The following DCLK2 variants were observed in gnomAD, a reference collection of about 807,000 sequenced individuals.
DCLK2 encodes the protein serine/threonine-protein kinase DCLK2.
Under a neutral mutation model 78.4 loss-of-function variants are expected in DCLK2, and 31 were observed. The ratio of observed to expected loss-of-function variants is 0.40; its 90% CI spans 0.30 to 0.53. The LOEUF is 0.53. Among genes scored for constraint, DCLK2 ranks in the 20% least tolerant of loss-of-function variants. DCLK2 has a pLI of 0.61. For synonymous variants in DCLK2, 407 were observed against 374.9 expected (o/e 1.09, Z -0.99); for missense variants, 872 against 973.7 (o/e 0.90, Z 1.39).
chr4:150,109,513 G>GT (rs1358179681), intron 2 of DCLK2, among the ~76,000 whole-genome samples: 12 of 151,976 alleles, frequency 7.9e-5, no homozygotes, highest in Non-Finnish European at 1.3e-4. Flanking sequence ...TTTTTTGTGT[G>GT]TTTTTTGTAG....
intron 2 of DCLK2, among the ~76,000 whole-genome samples, chr4:150,105,188 C>T (rs142450559): frequency 7.2e-5 from 11 of 152,098 alleles, no homozygotes; most frequent in Non-Finnish European, 1.2e-4. Flanking sequence ...GAAATGGGAA[C>T]AGATTTTCTA....
In DCLK2 at chr4:150,198,940, C is replaced by T. The variant is rs1215717054; in HGVS notation, c.961+837C>T. The T allele has an allele frequency of 3.0e-5, 13 of 440,478 alleles. No individual in the cohort carries two copies. The Middle Eastern group carries it at 1.7e-3, about 59-fold the overall frequency. 27.3% of individuals were successfully genotyped at this position (440,478 alleles called of 1,614,324 possible). A position where few individuals can be genotyped will look rare whatever the true frequency, so the allele number is the denominator to read the frequency against. ...CCCCCCCACTTTCTGTAGGGCAGGTCGTTTTACCCTTTTGAACGCACATTT... is the reference window on the plus strand; with the variant it reads ...CCCCCCCACTTTCTGTAGGGCAGGTTGTTTTACCCTTTTGAACGCACATTT... On this transcript the variant is annotated intron_variant, in intron 4 of 15. Coordinates refer to ENST00000296550, the MANE Select transcript of DCLK2 (RefSeq NM_001040260.4).
At chr4:150,112,346 C>T (rs1326444013) in intron 2 of DCLK2, among the ~76,000 whole-genome samples, 2 of 152,082 alleles carry the variant, frequency 1.3e-5, no homozygotes, top group African/African-American at 4.8e-5. Context: ...AATTTAGGAG[C>T]AGAGAAATCT....
chr4:150,151,806 T>C (rs1283430861), intron 2 of DCLK2, among the ~76,000 whole-genome samples: 2 of 152,058 alleles, frequency 1.3e-5, no homozygotes, highest in Non-Finnish European at 2.9e-5. Flanking sequence ...GCGCCTGTGA[T>C]CCCAGCTACT....
Position 150,157,923 on chromosome 4 carries a change from C to G in DCLK2, c.757-35215C>G, listed in dbSNP as rs116571476. Among the ~76,000 whole-genome samples the G allele has an allele frequency of 4.8e-3, 737 of 152,294 alleles. 7 individuals are homozygous for G. Among genetic ancestry groups the G allele is most frequent in the African/African-American group, 0.017 (697 of 41,552 alleles). On this transcript the variant is annotated intron_variant, in intron 2 of 15. Transcript: ENST00000296550. ...GGATTATAGGCATGAGCTGCCGTGC[C>G]TGGCCCAGAATCTTTTAATTTTATT...
chr4:150,157,888 C>G (rs1735429837), intron 2 of DCLK2, among the ~76,000 whole-genome samples: 2 of 152,256 alleles, frequency 1.3e-5, no homozygotes, highest in East Asian at 3.9e-4. Flanking sequence ...CTCAGCCTCC[C>G]ACAGTGCTGG....
At chr4:150,255,938 C>G in intron 15 of DCLK2, 82 bp from the exon 16 acceptor site, 1 of 1,536,572 alleles carries the variant, frequency 6.5e-7, no homozygotes, top group Non-Finnish European at 8.8e-7. Flanking sequence ...CCCGTGCATG[C>G]TCTGTTGTGC....
intron 2 of DCLK2, among the ~76,000 whole-genome samples, chr4:150,135,165 T>TACACACACACACAC (rs57866267): frequency 0.013 from 1,895 of 146,900 alleles, 31 homozygotes; most frequent in African/African-American, 0.033. Flanking sequence ...CATACACGTG[T>TACACACACACACAC]ACACACACAC....
intron 2 of DCLK2, among the ~76,000 whole-genome samples, chr4:150,125,667 A>G (rs1732873432): frequency 6.6e-6 from 1 of 152,154 alleles, no homozygotes; most frequent in Non-Finnish European, 1.5e-5. Flanking sequence ...AAGCAGGTGG[A>G]TCACTTGAAG....
chr4:150,125,157 G>C (rs1732835152), intron 2 of DCLK2, among the ~76,000 whole-genome samples: 3 of 152,040 alleles, frequency 2.0e-5, no homozygotes, highest in Non-Finnish European at 4.4e-5. Flanking sequence ...CCCACATAAG[G>C]AATGCCACAG....
intron 4 of DCLK2, among the ~76,000 whole-genome samples, chr4:150,201,663 C>A (rs1241195946): frequency 6.6e-6 from 1 of 152,146 alleles, no homozygotes; most frequent in Non-Finnish European, 1.5e-5. Context: ...ACTGCTTTTT[C>A]TCCTTCAGTC....
chr4:150,204,544 A>G (rs578209579), intron 5 of DCLK2, among the ~76,000 whole-genome samples: 17 of 152,306 alleles, frequency 1.1e-4, no homozygotes, highest in African/African-American at 3.6e-4. Flanking sequence ...TAATAATTTA[A>G]ATTTAGAAGA....
At chr4:150,178,843 TA>T in intron 2 of DCLK2, among the ~76,000 whole-genome samples, 1 of 152,320 alleles carries the variant, frequency 6.6e-6, no homozygotes, top group African/African-American at 2.4e-5. Context: ...TTAAGTTTCC[TA>T]AACTTGAAAT....
Position 150,247,598 on chromosome 4 carries a change from C to T in DCLK2, c.1779-5C>T. 6.2e-7 allele frequency: 1 copy of T among 1,613,200 alleles called. No individual in the cohort carries two copies. Among genetic ancestry groups the T allele is most frequent in the Non-Finnish European group, 8.5e-7 (1 of 1,179,514 alleles). ...TTTTCTTCCATTTCTTTGTCACTGG[C>T]TTAGTGAGAACAATCTCCAGGAAGA... On this transcript the variant is annotated splice_polypyrimidine_tract_variant and splice_region_variant and intron_variant, in intron 12 of 15. Transcript: ENST00000296550.
At chr4:150,080,496 C>T (rs1041528076) in intron 1 of DCLK2, among the ~76,000 whole-genome samples, 2 of 152,240 alleles carry the variant, frequency 1.3e-5, no homozygotes, top group Non-Finnish European at 2.9e-5. Flanking sequence ...TGCGTGTTTA[C>T]ATACAGTCCG....
At chr4:150,155,499 T>G (rs140115050) in intron 2 of DCLK2, among the ~76,000 whole-genome samples, 1 of 152,324 alleles carries the variant, frequency 6.6e-6, no homozygotes, top group East Asian at 1.9e-4. Context: ...TGTACTGATA[T>G]TTGATAAGTG....
chr4:150,231,440 A>G (rs1382189353), intron 8 of DCLK2, among the ~76,000 whole-genome samples: 4 of 152,176 alleles, frequency 2.6e-5, no homozygotes, highest in Non-Finnish European at 5.9e-5. Context: ...CATTTGTTAT[A>G]ATTTCTATTT....
rs1738603747 is a variant in DCLK2 at position 150,193,234 on chromosome 4, C to G, written c.853C>G (p.His285Asp). The G allele has an allele frequency of 6.3e-7, 1 of 1,598,556 alleles. No homozygotes were observed. The highest frequency in any genetic ancestry group is 8.6e-7 in the Non-Finnish European group (1 of 1,168,006). ...TGCCCAAGATGACTTTGTCCTGGAT[C>G]ATAGTGGTAAGGCAATTCTTCAGCT... Reference protein sequence around the residue: ...RYAQDDFVLDHSECRVLKSSY... With the variant: ...RYAQDDFVLDDSECRVLKSSY... Residue 285 changes from histidine to aspartate, a missense_variant, in exon 3 of 16, where the codon CAT becomes GAT. By Grantham distance (81) the His-to-Asp change is moderately conservative (BLOSUM62 -1). This residue lies in a region of DCLK2 where 567 missense variants were observed against 593.4 expected (regional missense o/e 0.96). Transcript: ENST00000296550.
intron 1 of DCLK2, among the ~76,000 whole-genome samples, chr4:150,093,135 TAAC>T (rs1015731501): frequency 5.3e-5 from 8 of 152,252 alleles, no homozygotes; most frequent in African/African-American, 1.2e-4. Flanking sequence ...TATACACTAA[TAAC>T]AAACTAATAA....
Sources: gnomAD v4.1 joint callset for allele counts (sites outside exome capture counted in the v4.1 genomes callset) on GRCh38, gnomAD v4.1.1 for gene constraint, gnomAD v4.1.1 regional missense constraint, MANE v1.5 for transcripts, NCBI Gene and HGNC (gene_info 2026-07-23, HGNC 2026-07-21) for gene names.